The following ENGASE variants were observed in gnomAD, a reference collection of about 807,000 sequenced individuals.
ENGASE encodes cytosolic endo-beta-N-acetylglucosaminidase.
Under a neutral mutation model 78.5 loss-of-function variants are expected in ENGASE, and 69 were observed. The observed-to-expected ratio is 0.88, with a 90% CI of 0.72 to 1.07. The LOEUF is 1.07. ENGASE is among the 50% of genes least tolerant of loss of function. The pLI, the probability that ENGASE is intolerant of heterozygous loss-of-function variation, is 0.00. For missense variants in ENGASE, 943 were observed against 988.4 expected (o/e 0.95, Z 0.62); for synonymous variants, 408 against 408.9 (o/e 1.00, Z 0.03).
rs757141477 is a variant in ENGASE, at chr17:79,083,784, C to T, written c.1275C>T (p.Tyr425=). 1 of 1,611,416 alleles carries T rather than the reference C, an allele frequency of 6.2e-7. No homozygotes were observed. The highest frequency in any genetic ancestry group is 1.1e-5 in the South Asian group (1 of 90,916). Reference sequence around the variant, plus strand: ...AGGAAGAGGCGGTAGGGCCCTGGTACCACCTGAGCGCCCAGGAGATCCAGC... The same window carrying T: ...AGGAAGAGGCGGTAGGGCCCTGGTATCACCTGAGCGCCCAGGAGATCCAGC... ...YGQEEAVGPW[Y]HLSAQEIQPL... Residue 425 remains tyrosine (Y), a synonymous_variant, in exon 10 of 14, where the codon TAC becomes TAT. Coordinates refer to ENST00000579016, the MANE Select transcript of ENGASE (RefSeq NM_001042573.3). The surrounding 1 kb of genome is among the most constrained non-coding windows in gnomAD (Gnocchi z 4.9).
intron 7 of ENGASE, 66 bp from the exon 8 acceptor site, chr17:79,082,954 C>G (rs1452714139): frequency 1.3e-6 from 2 of 1,589,756 alleles, no homozygotes; most frequent in South Asian, 1.1e-5. Flanking sequence ...ACCCACGTCA[C>G]TGGCGTCCAG....
chr17:79,084,408 C>T, intron 10 of ENGASE, 130 bp from the exon 11 acceptor site: 1 of 908,388 alleles, frequency 1.1e-6, no homozygotes, highest in Non-Finnish European at 1.6e-6. Flanking sequence ...CGGACAGGAC[C>T]ACGATGTGGG....
Position 79,083,776 on chromosome 17 carries a change from C to G in ENGASE, c.1267C>G (p.Pro423Ala). ...VCYGQEEAVG[P>A]WYHLSAQEIQ... Reference sequence around the variant, plus strand: ...TTTTCTTCAGGAAGAGGCGGTAGGGCCCTGGTACCACCTGAGCGCCCAGGA... The same window carrying G: ...TTTTCTTCAGGAAGAGGCGGTAGGGGCCTGGTACCACCTGAGCGCCCAGGA... Residue 423 changes from proline to alanine, a missense_variant, in exon 10 of 14, where the codon CCC becomes GCC. Transcript: ENST00000579016. The surrounding 1 kb of genome is among the most constrained non-coding windows in gnomAD (Gnocchi z 4.9). 6.2e-7 allele frequency: 1 copy of G among 1,610,416 alleles called. No homozygotes were observed. Among genetic ancestry groups the G allele is most frequent in the South Asian group, 1.1e-5 (1 of 90,788 alleles).
intron 4 of ENGASE, 124 bp from the exon 5 acceptor site, chr17:79,080,083 T>G: frequency 1.0e-6 from 1 of 1,002,436 alleles, no homozygotes; most frequent in Non-Finnish European, 1.4e-6. Flanking sequence ...TATATGGGGA[T>G]TTGAATGTCT....
In ENGASE at chr17:79,086,885, C is replaced by A; in HGVS notation, c.*536C>A. On this transcript the variant is annotated 3_prime_UTR_variant, in exon 14 of 14. Transcript: ENST00000579016. ...GAGGATGCCCTGGAGAACCGTCCTC[C>A]CAGTGTGGAAGGCCCTTTTCCCTGA... 2.2e-6 allele frequency: 1 copy of A among 454,424 alleles called. No homozygotes were observed. Among genetic ancestry groups the A allele is most frequent in the Non-Finnish European group, 4.4e-6 (1 of 226,584 alleles). 28.1% of individuals were successfully genotyped at this position (454,424 alleles called of 1,614,324 possible).
chr17:79,085,549 G>A, intron 12 of ENGASE, 71 bp from the exon 13 acceptor site: 2 of 1,587,162 alleles, frequency 1.3e-6, no homozygotes, highest in Admixed American at 1.7e-5. Context: ...CTGTGGCTTG[G>A]GGCCTCTGGA....
At chr17:79,079,777 A>G in intron 4 of ENGASE, 140 bp downstream of exon 4, 2 of 1,048,294 alleles carry the variant, frequency 1.9e-6, no homozygotes, top group South Asian at 3.4e-5. Context: ...GTCGGCTAGG[A>G]CAGGCAGCTG....
Position 79,086,791 on chromosome 17 carries a change from G to C in ENGASE, c.*442G>C, listed in dbSNP as rs555757449. 1 of 371,798 alleles carries C rather than the reference G, an allele frequency of 2.7e-6. No homozygotes were observed. The highest frequency in any genetic ancestry group is 5.4e-6 in the Non-Finnish European group (1 of 186,648). The allele number at this position is 371,798 out of a possible 1,614,324, so 23.0% of individuals were successfully genotyped here. A position where few individuals can be genotyped will look rare whatever the true frequency, so the allele number is the denominator to read the frequency against. On this transcript the variant is annotated 3_prime_UTR_variant, in exon 14 of 14. Transcript: ENST00000579016. ...GCAGGTAGGCTTTGGAGCAGGCGCC[G>C]AGACATTTCTGAGCATGAGGACGAG...
rs1233111600 is a variant in ENGASE, at chr17:79,086,199, G to C, written c.2082G>C (p.Gln694His). ...PMFLGLAFAT[Q>H]YRIVDLLVEA... ...TCCTGGGGTTGGCTTTTGCCACCCA[G>C]TACCGGATAGTGGACCTGCTGGTGG... The change falls in exon 14 of 14, where the codon CAG becomes CAC. Residue 694 changes from glutamine to histidine, a missense_variant. Coordinates refer to ENST00000579016, the MANE Select transcript of ENGASE (RefSeq NM_001042573.3). The C allele has an allele frequency of 1.2e-6, 2 of 1,613,638 alleles. No individual in the cohort carries two copies. The highest frequency in any genetic ancestry group is 1.6e-4 in the Middle Eastern group (1 of 6,062).
intron 1 of ENGASE, chr17:79,075,761 A>G: frequency 1.0e-6 from 1 of 985,462 alleles, no homozygotes; most frequent in East Asian, 1.1e-4. Context: ...AACCCAAAGC[A>G]GTGAGACTGC....
chr17:79,084,999 G>T (rs1411396715), intron 11 of ENGASE, among the ~76,000 whole-genome samples: 1 of 152,180 alleles, frequency 6.6e-6, no homozygotes, highest in Non-Finnish European at 1.5e-5. Context: ...AGCAAATGGG[G>T]TGGGGGAGAC....
intron 7 of ENGASE, chr17:79,082,368 G>T (rs1201008442): frequency 3.9e-6 from 5 of 1,296,286 alleles, no homozygotes; most frequent in Non-Finnish European, 4.0e-6. Flanking sequence ...TGTCCCAGCT[G>T]CGTTCCTTGA....
chr17:79,082,219 T>G, intron 7 of ENGASE, 156 bp downstream of exon 7: 6 of 1,553,166 alleles, frequency 3.9e-6, no homozygotes, highest in Non-Finnish European at 5.2e-6. Flanking sequence ...ACAGGTGTCC[T>G]GCCCCGGCCA....
intron 3 of ENGASE, among the ~76,000 whole-genome samples, 158 bp from the exon 4 acceptor site, chr17:79,079,331 T>C (rs1190694411): frequency 1.3e-5 from 2 of 152,156 alleles, no homozygotes; most frequent in African/African-American, 2.4e-5. Context: ...ACCTGGCTAA[T>C]TTTTCCAGTT....
chr17:79,077,333 ATC>A, intron 1 of ENGASE, 95 bp from the exon 2 acceptor site: 3 of 1,019,346 alleles, frequency 2.9e-6, no homozygotes, highest in East Asian at 2.6e-5. Flanking sequence ...GGCAGAGAAT[ATC>A]TCTCTGTGTT....
rs972461138 is a variant in ENGASE, at chr17:79,086,520, G to A, written c.*171G>A. On this transcript the variant is annotated 3_prime_UTR_variant, in exon 14 of 14. Coordinates refer to ENST00000579016, the MANE Select transcript of ENGASE (RefSeq NM_001042573.3). ...GTGCTGTGGCTTTCTGGTGGGGGGC[G>A]ATGGAAACAGGAAACCAAGCAGTGG... The A allele has an allele frequency of 1.2e-5, 9 of 757,322 alleles. No individual in the cohort carries two copies. The highest frequency in any genetic ancestry group is 5.9e-5 in the Admixed American group (2 of 33,742). 46.9% of individuals were successfully genotyped at this position (757,322 alleles called of 1,614,324 possible).
At position 79,081,862 on chromosome 17, in the gene ENGASE, G is replaced by A. The variant is rs1162484914; in HGVS notation, c.873-36G>A. 5 of 1,585,580 alleles carry A rather than the reference G, an allele frequency of 3.2e-6. No individual in the cohort carries two copies. In the South Asian group the frequency reaches 5.8e-5, roughly 18 times the overall value. On this transcript the variant is annotated intron_variant, in intron 6 of 13. Transcript: ENST00000579016. Reference sequence around the variant, plus strand: ...GGTGGGGGTGGCCCCATCCTTCTGGGCCTGGGCCTCACAGCAGGTCCTTGT... The same window carrying A: ...GGTGGGGGTGGCCCCATCCTTCTGGACCTGGGCCTCACAGCAGGTCCTTGT...
intron 1 of ENGASE, among the ~76,000 whole-genome samples, chr17:79,076,407 G>A (rs1349798478): frequency 6.6e-6 from 1 of 152,060 alleles, no homozygotes; most frequent in African/African-American, 2.4e-5. Flanking sequence ...TCTACTAAAA[G>A]TACAAAATTA....
chr17:79,082,841 T>C (rs769071471), intron 7 of ENGASE, 179 bp from the exon 8 acceptor site: 11 of 1,538,906 alleles, frequency 7.1e-6, no homozygotes, highest in Non-Finnish European at 8.7e-6. Context: ...TCTGGCGGGC[T>C]TGTGGAACGA....
Sources: allele counts gnomAD v4.1 joint callset (sites outside exome capture counted in the v4.1 genomes callset), GRCh38; gene constraint gnomAD v4.1.1; non-coding constraint Gnocchi (gnomAD v3.1); transcripts MANE v1.5; gene names NCBI Gene and HGNC (gene_info 2026-07-23, HGNC 2026-07-21).